The following MAPK10 variants were observed in gnomAD, a reference collection of about 807,000 sequenced individuals.
MAPK10 encodes the protein JNK3 alpha protein kinase.
MAPK10 carries 25 observed loss-of-function variants against 59.3 expected under a neutral mutation model. That is an observed-to-expected ratio of 0.42 (90% CI 0.31 to 0.59). The LOEUF is 0.59. MAPK10 is among the 20% of genes least tolerant of loss of function. MAPK10 has a pLI of 0.15. For synonymous variants in MAPK10, 190 were observed against 200.5 expected, an observed-to-expected ratio of 0.95 and a Z score of 0.44; for missense variants, 351 against 568.9, an observed-to-expected ratio of 0.62 and a Z score of 3.90.
intron 2 of MAPK10, among the ~76,000 whole-genome samples, chr4:86,291,876 C>T (rs1668670664): frequency 6.6e-6 from 1 of 152,108 alleles, no homozygotes; most frequent in African/African-American, 2.4e-5. Flanking sequence ...TGTGAATAGG[C>T]ATATAACTTT....
chr4:86,380,699 T>C (rs1324253749), intron 1 of MAPK10, among the ~76,000 whole-genome samples: 1 of 152,182 alleles, frequency 6.6e-6, no homozygotes, highest in Admixed American at 6.5e-5. Flanking sequence ...ACATTATGCA[T>C]GTTTACATTT....
At chr4:86,247,616 T>C (rs2148704512) in intron 2 of MAPK10, among the ~76,000 whole-genome samples, 1 of 151,586 alleles carries the variant, frequency 6.6e-6, no homozygotes, top group Admixed American at 6.6e-5. Flanking sequence ...TAATAGGTGA[T>C]GGTGCTATAA....
intron 9 of MAPK10, among the ~76,000 whole-genome samples, chr4:86,086,772 C>T (rs2051968102): frequency 6.6e-6 from 1 of 152,028 alleles, no homozygotes; most frequent in African/African-American, 2.4e-5. Flanking sequence ...TTCAGTAACT[C>T]ATTTCTAATA....
intron 4 of MAPK10, among the ~76,000 whole-genome samples, chr4:86,144,433 C>T (rs556816266): frequency 6.6e-6 from 1 of 152,120 alleles, no homozygotes; most frequent in South Asian, 2.1e-4. Flanking sequence ...GGTTAAAGGA[C>T]AAGTCTTGGA....
At chr4:86,372,552 GAAAGAAAGAAAGAAAGA>G (rs1390255362) in intron 1 of MAPK10, among the ~76,000 whole-genome samples, 1 of 15,562 alleles carries the variant, frequency 6.4e-5, no homozygotes, top group African/African-American at 1.5e-4. Context: ...AAGAAAGAAA[GAAAGAAAGAAAGAAAGA>G]AAAGAAAAGA....
At chr4:86,382,018 A>T (rs1222580014) in intron 1 of MAPK10, among the ~76,000 whole-genome samples, 1 of 152,106 alleles carries the variant, frequency 6.6e-6, no homozygotes, top group African/African-American at 2.4e-5. Context: ...ATTCGGAGCC[A>T]ATAATTCCTT....
intron 3 of MAPK10, among the ~76,000 whole-genome samples, chr4:86,176,624 A>T (rs988044803): frequency 6.8e-6 from 1 of 146,558 alleles, no homozygotes; most frequent in Non-Finnish European, 1.5e-5. Context: ...ATTAACTATA[A>T]TAACTACTTA....
intron 3 of MAPK10, chr4:86,164,329 T>C (rs897683555): frequency 2.6e-5 from 4 of 152,142 alleles, no homozygotes; most frequent in African/African-American, 7.2e-5. Flanking sequence ...AGCTAGGAGA[T>C]GACAGTTTTA....
At chr4:86,452,763 C>G (rs979761532) in intron 1 of MAPK10, among the ~76,000 whole-genome samples, 2 of 152,102 alleles carry the variant, frequency 1.3e-5, no homozygotes, top group Non-Finnish European at 1.5e-5. Context: ...GGAGGCAGGA[C>G]TGGACTGCAG....
At chr4:86,051,546 T>C (rs1228382906) in intron 11 of MAPK10, among the ~76,000 whole-genome samples, 2 of 152,196 alleles carry the variant, frequency 1.3e-5, no homozygotes, top group Admixed American at 1.3e-4. Context: ...TCTATAGCTT[T>C]CATTTAGGGA....
At chr4:86,066,385 A>C (rs1279257109) in intron 10 of MAPK10, among the ~76,000 whole-genome samples, 2 of 152,176 alleles carry the variant, frequency 1.3e-5, no homozygotes, top group Admixed American at 6.5e-5. Context: ...GACCTCTTTA[A>C]TTTGTAACTG....
intron 3 of MAPK10, among the ~76,000 whole-genome samples, chr4:86,178,834 A>C (rs1001922746): frequency 6.6e-6 from 1 of 152,220 alleles, no homozygotes; most frequent in African/African-American, 2.4e-5. Flanking sequence ...AATTCAATAA[A>C]ATTGCAGAAT....
intron 1 of MAPK10, among the ~76,000 whole-genome samples, chr4:86,440,852 C>T (rs995490867): frequency 1.3e-5 from 2 of 151,956 alleles, no homozygotes; most frequent in African/African-American, 2.4e-5. Context: ...AGTGGGTGTT[C>T]GGAAATATTT....
intron 11 of MAPK10, among the ~76,000 whole-genome samples, chr4:86,056,601 T>C (rs1476900547): frequency 6.7e-6 from 1 of 149,902 alleles, no homozygotes; most frequent in Non-Finnish European, 1.5e-5. Flanking sequence ...TAACACAGGA[T>C]ATTCATAATC....
upstream of MAPK10, among the ~76,000 whole-genome samples, chr4:86,361,116 T>C (rs1736876042): frequency 6.6e-6 from 1 of 152,244 alleles, no homozygotes; most frequent in South Asian, 2.1e-4. Context: ...TTCTTCCATA[T>C]GTTACCAGAA....
At chr4:86,279,339 G>T (rs1428081813) in intron 2 of MAPK10, among the ~76,000 whole-genome samples, 1 of 151,914 alleles carries the variant, frequency 6.6e-6, no homozygotes, top group African/African-American at 2.4e-5. Flanking sequence ...CTTAGTCAAG[G>T]TTGAGCAGAT....
intron 1 of MAPK10, among the ~76,000 whole-genome samples, chr4:86,516,387 A>G (rs1756664774): frequency 6.6e-6 from 1 of 152,012 alleles, no homozygotes; most frequent in Non-Finnish European, 1.5e-5. Context: ...TTCCATATGA[A>G]TTTTAGGATT....
intron 11 of MAPK10, among the ~76,000 whole-genome samples, chr4:86,041,943 T>A (rs1409264004): frequency 6.6e-6 from 1 of 152,238 alleles, no homozygotes; most frequent in African/African-American, 2.4e-5. Flanking sequence ...AAATACCATT[T>A]GACCCGGCAA....
chr4:86,216,284 T>C (rs559851377), intron 2 of MAPK10, among the ~76,000 whole-genome samples: 168 of 131,470 alleles, frequency 1.3e-3, no homozygotes, highest in Non-Finnish European at 1.9e-3. Flanking sequence ...CACACACACA[T>C]ATATATATAG....
Sources: allele counts gnomAD v4.1 joint callset (sites outside exome capture counted in the v4.1 genomes callset), GRCh38; gene constraint gnomAD v4.1.1; transcripts MANE v1.5; gene names NCBI Gene and HGNC (gene_info 2026-07-23, HGNC 2026-07-21).